Variants in SIL1 observed in about 807,000 individuals in gnomAD.
The protein encoded by SIL1 is nucleotide exchange factor SIL1.
Under a neutral mutation model 49.1 loss-of-function variants are expected in SIL1, and 40 were observed. The ratio of observed to expected loss-of-function variants is 0.81; its 90% CI spans 0.63 to 1.06. SIL1 has a LOEUF of 1.06. Ranked by LOEUF, SIL1 falls within the 50% of genes least tolerant of loss-of-function variation. SIL1 has a pLI of 0.00. For synonymous variants in SIL1, 253 were observed against 250.8 expected, an observed-to-expected ratio of 1.01 and a Z score of -0.08; for missense variants, 500 against 572.6, an observed-to-expected ratio of 0.87 and a Z score of 1.29.
intron 1 of SIL1, 31 bp downstream of exon 1, chr5:139,198,238 T>TC (rs1338424567): frequency 2.6e-5 from 4 of 151,382 alleles, no homozygotes; most frequent in Non-Finnish European, 5.9e-5. Context: ...CCCGCCCAGC[T>TC]CCAGGGCCGG....
At chr5:139,032,927 T>G (rs1038941338) in intron 5 of SIL1, 1 of 152,230 alleles carries the variant, frequency 6.6e-6, no homozygotes, top group African/African-American at 2.4e-5. Flanking sequence ...TCATTCTTGA[T>G]ACAGGTAATT....
At chr5:139,002,950 G>A (rs1172199010) in intron 7 of SIL1, among the ~76,000 whole-genome samples, 2 of 152,018 alleles carry the variant, frequency 1.3e-5, no homozygotes, top group Non-Finnish European at 2.9e-5. Context: ...CAGTTCCTTC[G>A]GGAAGAGATT....
At chr5:139,091,081 C>T (rs1415368713) in intron 3 of SIL1, among the ~76,000 whole-genome samples, 2 of 152,168 alleles carry the variant, frequency 1.3e-5, no homozygotes, top group Non-Finnish European at 2.9e-5. Context: ...AGGTCAACTA[C>T]TCTATAATCT....
chr5:139,032,972 T>A (rs1011767708), intron 5 of SIL1: 4 of 152,008 alleles, frequency 2.6e-5, no homozygotes, highest in African/African-American at 9.7e-5. Context: ...GTCAGTCTTG[T>A]GGATTTTTTG....
chr5:139,059,066 A>ACATT (rs1287097554), intron 3 of SIL1, among the ~76,000 whole-genome samples: 1 of 152,092 alleles, frequency 6.6e-6, no homozygotes, highest in Non-Finnish European at 1.5e-5. Flanking sequence ...ATATATATGT[A>ACATT]TATGTACACA....
At chr5:139,145,541 T>C (rs1241833945) in intron 1 of SIL1, among the ~76,000 whole-genome samples, 3 of 152,086 alleles carry the variant, frequency 2.0e-5, no homozygotes, top group Admixed American at 6.6e-5. Flanking sequence ...CACAGCAGCA[T>C]TATTCACTAT....
chr5:139,021,840 A>C (rs1272947942), intron 6 of SIL1: 2 of 191,926 alleles, frequency 1.0e-5, no homozygotes, highest in Admixed American at 5.3e-5. Flanking sequence ...GGTTGACTGC[A>C]TCTGAAGACA....
intron 7 of SIL1, chr5:139,014,373 A>G (rs1768354885): frequency 6.6e-6 from 1 of 152,086 alleles, no homozygotes; most frequent in African/African-American, 2.4e-5. Context: ...GTCTCAAAAA[A>G]AAAAAAAAAA....
At chr5:138,994,914 A>G (rs1561819493) in intron 7 of SIL1, among the ~76,000 whole-genome samples, 1 of 152,046 alleles carries the variant, frequency 6.6e-6, no homozygotes, top group Non-Finnish European at 1.5e-5. Flanking sequence ...TCCTGTGTCC[A>G]TGTGTTCTCA....
At chr5:139,106,646 C>T (rs1188576874) in intron 3 of SIL1, among the ~76,000 whole-genome samples, 1 of 152,120 alleles carries the variant, frequency 6.6e-6, no homozygotes, top group African/African-American at 2.4e-5. Flanking sequence ...CTTTCCAGAA[C>T]CCCCGATACC....
intron 3 of SIL1, among the ~76,000 whole-genome samples, chr5:139,090,306 C>T (rs1770315382): frequency 6.6e-6 from 1 of 152,194 alleles, no homozygotes; most frequent in African/African-American, 2.4e-5. Flanking sequence ...AGCTCACCCT[C>T]TTCTACCTGA....
In SIL1 at chr5:139,056,101, G is replaced by A. The variant is rs576516746; in HGVS notation, c.245-5055C>T. Among the ~76,000 whole-genome samples the A allele has an allele frequency of 5.5e-3, 833 of 151,728 alleles. 2 individuals are homozygous for A. The highest frequency in any genetic ancestry group is 0.019 in the African/African-American group (798 of 41,368). ...CTCTGCCCGGCCGCCACCCCGTCTGGGAAGTGAGGAGCGTCTCTGCTTGGC... is the reference window on the plus strand; with the variant it reads ...CTCTGCCCGGCCGCCACCCCGTCTGAGAAGTGAGGAGCGTCTCTGCTTGGC... On this transcript the variant is annotated intron_variant, in intron 3 of 9. Coordinates refer to ENST00000394817, the MANE Select transcript of SIL1 (RefSeq NM_022464.5).
chr5:139,082,837 A>T (rs947412706), intron 3 of SIL1, among the ~76,000 whole-genome samples: 10 of 152,226 alleles, frequency 6.6e-5, no homozygotes, highest in Admixed American at 4.6e-4. Flanking sequence ...GTGAGATCCT[A>T]GTCAGGAAGC....
At chr5:139,037,569 A>C (rs1019335988) in intron 5 of SIL1, among the ~76,000 whole-genome samples, 2 of 151,688 alleles carry the variant, frequency 1.3e-5, no homozygotes, top group African/African-American at 2.4e-5. Flanking sequence ...AGACTGTGTA[A>C]TTTTTATTTA....
At chr5:139,190,621 T>C (rs963131834) in intron 1 of SIL1, among the ~76,000 whole-genome samples, 4 of 152,192 alleles carry the variant, frequency 2.6e-5, no homozygotes, top group African/African-American at 9.7e-5. Flanking sequence ...AAAAAGATCC[T>C]ACCATTACGT....
chr5:138,998,274 A>C (rs985050376), intron 7 of SIL1, among the ~76,000 whole-genome samples: 2 of 152,096 alleles, frequency 1.3e-5, no homozygotes, highest in African/African-American at 2.4e-5. Context: ...CAACCTCCCC[A>C]GGCTCCAGTG....
At chr5:139,032,555 T>A (rs566033878) in intron 5 of SIL1, among the ~76,000 whole-genome samples, 59 of 152,334 alleles carry the variant, frequency 3.9e-4, no homozygotes, top group Non-Finnish European at 7.2e-4. Flanking sequence ...GTTCAGGTAT[T>A]AGTGTGACAC....
intron 1 of SIL1, among the ~76,000 whole-genome samples, chr5:139,132,237 G>C (rs1750879980): frequency 6.6e-6 from 1 of 152,142 alleles, no homozygotes; most frequent in African/African-American, 2.4e-5. Context: ...AGGAAGAAGA[G>C]GTCAGGGGCA....
At chr5:139,079,212 A>C (rs925349704) in intron 3 of SIL1, among the ~76,000 whole-genome samples, 2 of 152,180 alleles carry the variant, frequency 1.3e-5, no homozygotes, top group Non-Finnish European at 2.9e-5. Flanking sequence ...GCATGAGTGG[A>C]ATCCTGGCGC....
Sources: gnomAD v4.1 joint callset for allele counts (sites outside exome capture counted in the v4.1 genomes callset) on GRCh38, gnomAD v4.1.1 for gene constraint, MANE v1.5 for transcripts, NCBI Gene and HGNC (gene_info 2026-07-23, HGNC 2026-07-21) for gene names.